INSYN2A: variants seen among roughly 807,000 people sequenced by gnomAD.
The protein encoded by INSYN2A is family with sequence similarity 196 member A.
INSYN2A carries 17 observed loss-of-function variants against 39.4 expected under a neutral mutation model. The observed-to-expected ratio is 0.43, with a 90% CI of 0.30 to 0.65. The LOEUF is 0.65. INSYN2A is among the 30% of genes least tolerant of loss of function. The probability of loss-of-function intolerance (pLI) is 0.14; values close to 1 mark genes in which losing one functional copy is unlikely to be tolerated. For missense variants in INSYN2A, 595 were observed against 631.2 expected (o/e 0.94, Z 0.61); for synonymous variants, 255 against 265.7 (o/e 0.96, Z 0.39).
At chr10:127,181,940 CT>C (rs1266162766) in intron 2 of INSYN2A, among the ~76,000 whole-genome samples, 2 of 152,106 alleles carry the variant, frequency 1.3e-5, no homozygotes, top group Admixed American at 1.3e-4. Context: ...GTTTAATTTT[CT>C]TTATATAGTG....
rs576983212 is a variant in INSYN2A at position 127,164,333 on chromosome 10, G to A, written c.1185-10410C>T. 1.2e-3 allele frequency among the ~76,000 whole-genome samples: 176 copies of A among 151,670 alleles called. 1 individual carries two copies. Among genetic ancestry groups the A allele is most frequent in the African/African-American group, 4.0e-3 (165 of 41,368 alleles). On this transcript the variant is annotated intron_variant, in intron 4 of 5. Transcript: ENST00000522781. ...TGAGCAGCTGAGATTACAGGTGCCC[G>A]CCACCACACCCCACTAATTTTTGTA...
At chr10:127,184,827 GTCTTA>G (rs2056079436) in intron 2 of INSYN2A, among the ~76,000 whole-genome samples, 1 of 152,120 alleles carries the variant, frequency 6.6e-6, no homozygotes, top group African/African-American at 2.4e-5. Flanking sequence ...TCTAGATCTA[GTCTTA>G]TCTTCTATGC....
At chr10:127,150,167 A>G (rs1456978166) in intron 5 of INSYN2A, among the ~76,000 whole-genome samples, 2 of 152,174 alleles carry the variant, frequency 1.3e-5, no homozygotes, top group African/African-American at 4.8e-5. Flanking sequence ...ACCCATGTAC[A>G]CTGCTACTGA....
intron 4 of INSYN2A, among the ~76,000 whole-genome samples, chr10:127,156,819 C>T (rs1454214134): frequency 2.0e-5 from 3 of 152,138 alleles, no homozygotes; most frequent in East Asian, 3.9e-4. Flanking sequence ...CTTCCCGCCT[C>T]GGCCTCCCAA....
chr10:127,195,651 G>T (rs1470782918), intron 1 of INSYN2A, among the ~76,000 whole-genome samples: 5 of 152,172 alleles, frequency 3.3e-5, no homozygotes, highest in Non-Finnish European at 7.4e-5. Context: ...CCTGGCTAGG[G>T]CTGTCGGGCG....
At chr10:127,147,073 A>G (rs1035192786) in intron 5 of INSYN2A, among the ~76,000 whole-genome samples, 6 of 152,174 alleles carry the variant, frequency 3.9e-5, no homozygotes, top group African/African-American at 1.4e-4. Flanking sequence ...AGAAAATACA[A>G]CCCATCACTT....
chr10:127,187,779 AAAGC>A (rs142757297), intron 2 of INSYN2A, among the ~76,000 whole-genome samples: 14,533 of 151,772 alleles, frequency 0.096, 2,025 homozygotes, highest in African/African-American at 0.31. Context: ...AAGAGAGAGA[AAAGC>A]AAGCAAGCAA....
intron 5 of INSYN2A, among the ~76,000 whole-genome samples, chr10:127,139,066 T>C (rs2050974904): frequency 6.6e-6 from 1 of 152,174 alleles, no homozygotes; most frequent in African/African-American, 2.4e-5. Flanking sequence ...TTGGGAGGAT[T>C]CCGCTCTGTC....
intron 4 of INSYN2A, among the ~76,000 whole-genome samples, chr10:127,173,510 T>G (rs2054776274): frequency 6.6e-6 from 1 of 152,184 alleles, no homozygotes; most frequent in African/African-American, 2.4e-5. Flanking sequence ...TGTTCAGCCC[T>G]CTCAGGTTCT....
At chr10:127,195,531 C>G (rs185602266) in intron 1 of INSYN2A, among the ~76,000 whole-genome samples, 8 of 152,112 alleles carry the variant, frequency 5.3e-5, no homozygotes, top group South Asian at 4.2e-4. Flanking sequence ...CATCCCCCCC[C>G]CGAAGTTAAT....
chr10:127,175,191 G>C lies in INSYN2A; in HGVS notation c.1184+21C>G. ...GTGATCAGCCTGCATAGCTTCCTAA[G>C]ACATGGGTGAACATACATACCCTTC... On this transcript the variant is annotated intron_variant, in intron 4 of 5. Coordinates refer to ENST00000522781, the MANE Select transcript of INSYN2A (RefSeq NM_001039762.3). This position sits in a 1 kb window ranked among gnomAD's most constrained non-coding sequence, Gnocchi z 6.3. 1 of 1,584,558 alleles carries C rather than the reference G, an allele frequency of 6.3e-7. No homozygotes were observed. The highest frequency in any genetic ancestry group is 8.6e-7 in the Non-Finnish European group (1 of 1,161,168).
At chr10:127,179,148 T>G (rs1000742435) in intron 2 of INSYN2A, among the ~76,000 whole-genome samples, 1 of 152,246 alleles carries the variant, frequency 6.6e-6, no homozygotes. Context: ...AAGTTTGTCC[T>G]GCCATGCTAT....
chr10:127,186,443 G>A (rs76240246), intron 2 of INSYN2A, among the ~76,000 whole-genome samples: 21,508 of 138,710 alleles, frequency 0.16, 1,889 homozygotes, highest in African/African-American at 0.25. Context: ...TAACACATCC[G>A]ATAGACAACC....
At chr10:127,190,599 A>C (rs186183039) in intron 2 of INSYN2A, among the ~76,000 whole-genome samples, 18 of 144,434 alleles carry the variant, frequency 1.2e-4, no homozygotes, top group African/African-American at 4.5e-4. Flanking sequence ...ATAATGAAAA[A>C]CTTATTTTTT....
chr10:127,191,785 G>A (rs2056774604), intron 2 of INSYN2A, among the ~76,000 whole-genome samples: 1 of 152,184 alleles, frequency 6.6e-6, no homozygotes, highest in South Asian at 2.1e-4. Context: ...CCATCAGCCT[G>A]TGCTTTTTCC....
chr10:127,175,519 G>T lies in INSYN2A; in HGVS notation c.877C>A (p.His293Asn), dbSNP rs748875288. 45 of 1,609,496 alleles carry T rather than the reference G, an allele frequency of 2.8e-5. No homozygotes were observed. The African/African-American group carries it at 4.4e-4, about 16-fold the overall frequency. Residue 293 changes from histidine (H) to asparagine (N), a missense_variant, in exon 4 of 6, where the codon CAT (histidine) becomes AAT (asparagine). His to Asn is a moderately conservative substitution (Grantham distance 68). This residue lies in a region of INSYN2A where 478 missense variants were observed against 467.4 expected (regional missense o/e 1.02). Transcript: ENST00000522781. This position sits in a 1 kb window ranked among gnomAD's most constrained non-coding sequence, Gnocchi z 6.3. ...GAGGGCGCCTGGAGCCCGTTGAGATGTGTGGCTCTCCTCCGCTCGTCATCT... is the reference window on the plus strand; with the variant it reads ...GAGGGCGCCTGGAGCCCGTTGAGATTTGTGGCTCTCCTCCGCTCGTCATCT... ...PADDERRRAT[H>N]LNGLQAPSET...
At position 127,176,129 on chromosome 10, in the gene INSYN2A, T is replaced by C; in HGVS notation, c.267A>G (p.Thr89=). 6.2e-7 allele frequency: 1 copy of C among 1,614,138 alleles called. No homozygotes were observed. The highest frequency in any genetic ancestry group is 8.5e-7 in the Non-Finnish European group (1 of 1,180,030). The part of the protein sequence containing the change: ...SCRAAYRKYM[T]VPARRSIPNV... ...TGGGGATGGACCTGCGTGCGGGCAC[T>C]GTCATGTATTTGCGGTAGGCTGCTC... Residue 89 remains threonine, a synonymous_variant, in exon 4 of 6, where the codon ACA becomes ACG. Transcript: ENST00000522781. The surrounding 1 kb of genome is among the most constrained non-coding windows in gnomAD (Gnocchi z 4.4).
intron 4 of INSYN2A, among the ~76,000 whole-genome samples, chr10:127,166,652 T>G (rs2054114920): frequency 6.6e-6 from 1 of 152,242 alleles, no homozygotes; most frequent in South Asian, 2.1e-4. Context: ...TGTATGGGGA[T>G]TCTCATTTCA....
At chr10:127,160,567 CAG>C (rs2133655961) in intron 4 of INSYN2A, among the ~76,000 whole-genome samples, 1 of 152,296 alleles carries the variant, frequency 6.6e-6, no homozygotes, top group East Asian at 1.9e-4. Flanking sequence ...TCTAGCATGT[CAG>C]GGAGCAGCAC....
Sources: allele counts gnomAD v4.1 joint callset (sites outside exome capture counted in the v4.1 genomes callset), GRCh38; gene constraint gnomAD v4.1.1; regional missense constraint gnomAD v4.1.1; non-coding constraint Gnocchi (gnomAD v3.1); transcripts MANE v1.5; gene names NCBI Gene and HGNC (gene_info 2026-07-23, HGNC 2026-07-21).